The following PAOX variants were observed in gnomAD, a reference collection of about 807,000 sequenced individuals.
PAOX encodes peroxisomal N(1)-acetyl-spermine/spermidine oxidase.
PAOX carries 38 observed loss-of-function variants against 39.0 expected under a neutral mutation model. The observed-to-expected ratio is 0.97, with a 90% CI of 0.75 to 1.28. The LOEUF is 1.28. Ranked by LOEUF, PAOX falls within the 50% of genes most tolerant of loss-of-function variation. PAOX has a pLI of 0.00. For synonymous variants in PAOX, 311 were observed against 314.4 expected (o/e 0.99, Z 0.11); for missense variants, 667 against 685.7 (o/e 0.97, Z 0.30).
chr10:133,386,338 T>A (rs750204289), intron 4 of PAOX, among the ~76,000 whole-genome samples: 3 of 152,072 alleles, frequency 2.0e-5, no homozygotes, highest in Non-Finnish European at 4.4e-5. Context: ...TCTGCAAAAC[T>A]CTTCAGTGTT....
rs1437893569 is a variant in PAOX at position 133,380,173 on chromosome 10, G to A, written c.356G>A (p.Gly119Glu). ...GLPSVSYASS[G>E]ASVSLQLVAE... The stretch of plus-strand genomic sequence containing the variant: ...CCCTCCGTGAGCTACGCCAGCTCCG[G>A]GGCCAGCGTGAGCCTCCAGCTGGTG... The change falls in exon 2 of 7, where the codon GGG (glycine) becomes GAG (glutamate). Residue 119 changes from glycine to glutamate, a missense_variant. Physicochemically the swap from Gly to Glu is moderately conservative, Grantham distance 98 (BLOSUM62 -2). Transcript: ENST00000278060. 2 of 1,611,104 alleles carry A rather than the reference G, an allele frequency of 1.2e-6. No homozygotes were observed. Among genetic ancestry groups the A allele is most frequent in the East Asian group, 4.5e-5 (2 of 44,852 alleles).
intron 3 of PAOX, 62 bp from the exon 4 acceptor site, chr10:133,383,898 A>T: frequency 6.4e-7 from 1 of 1,551,434 alleles, no homozygotes; most frequent in Non-Finnish European, 8.7e-7. Flanking sequence ...CAAGGTCTGG[A>T]CAGACAGGAC....
chr10:133,391,118 G>A (rs1361261807), intron 6 of PAOX, 194 bp from the exon 7 acceptor site: 11 of 708,186 alleles, frequency 1.6e-5, no homozygotes, highest in East Asian at 8.0e-5. Flanking sequence ...TTTCCTGCCC[G>A]TTGGTGGATG....
intron 4 of PAOX, among the ~76,000 whole-genome samples, chr10:133,386,251 C>T (rs1589897174): frequency 6.6e-6 from 1 of 152,050 alleles, no homozygotes; most frequent in African/African-American, 2.4e-5. Context: ...TCTCGAACTC[C>T]TGGCCTCAAG....
rs777641782 is a variant in PAOX, at chr10:133,391,508, A to C, written c.*53A>C. 3 of 1,539,090 alleles carry C rather than the reference A, an allele frequency of 1.9e-6. No homozygotes were observed. The East Asian group carries it at 6.8e-5, about 35-fold the overall frequency. On this transcript the variant is annotated 3_prime_UTR_variant, in exon 7 of 7. Coordinates refer to ENST00000278060, the MANE Select transcript of PAOX (RefSeq NM_152911.4). ...GTGTCGGGGGTAGGCTGGGACCCTC[A>C]TTTCTTCTGACAGATTTCAGTCTGG...
At chr10:133,383,865 C>G in intron 3 of PAOX, 95 bp from the exon 4 acceptor site, 1 of 1,451,452 alleles carries the variant, frequency 6.9e-7, no homozygotes, top group Non-Finnish European at 9.3e-7. Context: ...AGGATAAACA[C>G]CAGCAGGGGA....
chr10:133,381,368 T>G, intron 2 of PAOX, 92 bp from the exon 3 acceptor site: 1 of 1,237,036 alleles, frequency 8.1e-7, no homozygotes, highest in Non-Finnish European at 1.2e-6. Flanking sequence ...CAGCTACCTT[T>G]GATGCGGGTG....
In PAOX at chr10:133,379,397, C is replaced by T. The variant is rs1849284224; in HGVS notation, c.81C>T (p.Gly27=). The part of the protein sequence containing the change: ...LVVGGGIAGL[G]AAQRLCGHSA... Reference sequence around the variant, plus strand: ...TGGGCGGCGGCATCGCGGGGCTGGGCGCGGCGCAGAGGCTCTGCGGCCACT... The same window carrying T: ...TGGGCGGCGGCATCGCGGGGCTGGGTGCGGCGCAGAGGCTCTGCGGCCACT... Residue 27 remains glycine (G), a synonymous_variant, in exon 1 of 7, where the codon GGC becomes GGT. Coordinates refer to ENST00000278060, the MANE Select transcript of PAOX (RefSeq NM_152911.4). The T allele has an allele frequency of 3.3e-6, 4 of 1,222,238 alleles. No homozygotes were observed. In the East Asian group the frequency reaches 9.7e-5, roughly 30 times the overall value. The allele number at this position is 1,222,238 out of a possible 1,614,324, so 75.7% of individuals were successfully genotyped here.
Position 133,379,279 on chromosome 10 carries a change from CG to C in PAOX, c.-36del, listed in dbSNP as rs1262224069. 22 of 1,207,478 alleles carry C rather than the reference CG, an allele frequency of 1.8e-5. No homozygotes were observed. The highest frequency in any genetic ancestry group is 2.2e-5 in the Non-Finnish European group (21 of 973,104). The allele number at this position is 1,207,478 out of a possible 1,614,324, so 74.8% of individuals were successfully genotyped here. A position where few individuals can be genotyped will look rare whatever the true frequency, so the allele number is the denominator to read the frequency against. ...CCTCCTCCGAGAGCTCCAGACCTCCCGGCTACTCAGAAGCCCTCGGACTGCC... is the reference window on the plus strand; with the variant it reads ...CCTCCTCCGAGAGCTCCAGACCTCCCGCTACTCAGAAGCCCTCGGACTGCC... On this transcript the variant is annotated 5_prime_UTR_variant, in exon 1 of 7. Coordinates refer to ENST00000278060, the MANE Select transcript of PAOX (RefSeq NM_152911.4).
In PAOX at chr10:133,389,011, A is replaced by G; in HGVS notation, c.1177A>G (p.Thr393Ala). ...IAGLESEFME[T>A]LSDEEVLLCL... ...CGGACTTGAGTCTGAGTTCATGGAG[A>G]CTCTGTCGGATGAAGAAGTACTTCT... Residue 393 changes from threonine (T) to alanine (A), a missense_variant, in exon 5 of 7, where the codon ACT (threonine) becomes GCT (alanine). Coordinates refer to ENST00000278060, the MANE Select transcript of PAOX (RefSeq NM_152911.4). 1 of 1,612,612 alleles carries G rather than the reference A, an allele frequency of 6.2e-7. No individual in the cohort carries two copies. The highest frequency in any genetic ancestry group is 8.5e-7 in the Non-Finnish European group (1 of 1,179,630).
At chr10:133,385,069 G>A (rs1202465929) in intron 4 of PAOX, among the ~76,000 whole-genome samples, 1 of 152,182 alleles carries the variant, frequency 6.6e-6, no homozygotes, top group African/African-American at 2.4e-5. Context: ...GCTGAGGCGG[G>A]TGGATCACCT....
chr10:133,380,442 G>T lies in PAOX; in HGVS notation c.625G>T (p.Gly209Trp), dbSNP rs1299139261. ...SMDLVALAPFGEYTVLPGLDC... is the reference protein window; with the variant it reads ...SMDLVALAPFWEYTVLPGLDC... ...GGACCTGGTGGCCCTGGCACCCTTT[G>T]GGGAGTATACCGTGCTGCCGGGGCT... The change falls in exon 2 of 7, where the codon GGG becomes TGG. Residue 209 changes from glycine (G) to tryptophan (W), a missense_variant. By Grantham distance (184) the Gly-to-Trp change is radical. Transcript: ENST00000278060. 37 of 1,611,906 alleles carry T rather than the reference G, an allele frequency of 2.3e-5. No homozygotes were observed. Among genetic ancestry groups the T allele is most frequent in the Non-Finnish European group, 3.1e-5 (37 of 1,180,002 alleles).
At chr10:133,385,450 G>T (rs1175709258) in intron 4 of PAOX, among the ~76,000 whole-genome samples, 1 of 93,588 alleles carries the variant, frequency 1.1e-5, no homozygotes, top group Non-Finnish European at 2.4e-5. Context: ...GGGACCCTGA[G>T]TGCTTTGGTG....
chr10:133,386,268 G>A (rs993823128), intron 4 of PAOX, among the ~76,000 whole-genome samples: 7 of 151,906 alleles, frequency 4.6e-5, no homozygotes, highest in African/African-American at 9.7e-5. Flanking sequence ...CAAGTGATCC[G>A]CCCACCTTGG....
Position 133,380,164 on chromosome 10 carries a change from C to T in PAOX, c.347C>T (p.Ala116Val), listed in dbSNP as rs200955305. 1.2e-6 allele frequency: 2 copies of T among 1,608,958 alleles called. No homozygotes were observed. Among genetic ancestry groups the T allele is most frequent in the Non-Finnish European group, 1.7e-6 (2 of 1,177,446 alleles). Residue 116 changes from alanine (A) to valine (V), a missense_variant, in exon 2 of 7, where the codon GCC becomes GTC. By Grantham distance (64) the Ala-to-Val change is moderately conservative (BLOSUM62 0). Coordinates refer to ENST00000278060, the MANE Select transcript of PAOX (RefSeq NM_152911.4). The stretch of plus-strand genomic sequence containing the variant: ...GTGGGCCTGCCCTCCGTGAGCTACG[C>T]CAGCTCCGGGGCCAGCGTGAGCCTC... The part of the protein sequence containing the change: ...GHVGLPSVSY[A>V]SSGASVSLQL...
Position 133,384,222 on chromosome 10 carries a change from C to A in PAOX, c.1121+10C>A, listed in dbSNP as rs1377667535. On this transcript the variant is annotated intron_variant, in intron 4 of 6. Transcript: ENST00000278060. This position sits in a 1 kb window ranked among gnomAD's most constrained non-coding sequence, Gnocchi z 4.3. Reference sequence around the variant, plus strand: ...TCCTGCCTGCCTTTGCGTACGTTTGCTCCCTGAGAAGTTCTGCGAGTGGCT... The same window carrying A: ...TCCTGCCTGCCTTTGCGTACGTTTGATCCCTGAGAAGTTCTGCGAGTGGCT... 3.7e-6 allele frequency: 6 copies of A among 1,610,954 alleles called. No individual in the cohort carries two copies. The highest frequency in any genetic ancestry group is 5.1e-6 in the Non-Finnish European group (6 of 1,178,308).
At position 133,391,633 on chromosome 10, in the gene PAOX, CTT is replaced by C. The variant is rs1465041660; in HGVS notation, c.*179_*180del. 9.9e-6 allele frequency: 10 copies of C among 1,007,762 alleles called. No individual in the cohort carries two copies. In the Admixed American group the frequency reaches 3.1e-4, roughly 31 times the overall value. 62.4% of individuals were successfully genotyped at this position (1,007,762 alleles called of 1,614,324 possible). A position where few individuals can be genotyped will look rare whatever the true frequency, so the allele number is the denominator to read the frequency against. ...GTTATTGGAGTCTGGCCAGGGTTGACTTGAGCTGAGACACCAGATGCTCACGG... is the reference window on the plus strand; with the variant it reads ...GTTATTGGAGTCTGGCCAGGGTTGACGAGCTGAGACACCAGATGCTCACGG... On this transcript the variant is annotated 3_prime_UTR_variant, in exon 7 of 7. Transcript: ENST00000278060.
chr10:133,389,794 C>T (rs1345037275), intron 6 of PAOX, 47 bp downstream of exon 6: 2 of 1,413,834 alleles, frequency 1.4e-6, no homozygotes, highest in African/African-American at 1.5e-5. Flanking sequence ...GCTGCAGAGG[C>T]CCCCGCCGAG....
Position 133,384,183 on chromosome 10 carries a change from C to T in PAOX, c.1092C>T (p.Leu364=), listed in dbSNP as rs1167719794. ...PELQDAWFRK[L]IGFVVLPAFA... ...TACAGGACGCCTGGTTCCGGAAGCT[C>T]ATTGGCTTTGTGGTCCTGCCTGCCT... Residue 364 remains leucine, a synonymous_variant, in exon 4 of 7, where the codon CTC becomes CTT. Coordinates refer to ENST00000278060, the MANE Select transcript of PAOX (RefSeq NM_152911.4). The surrounding 1 kb of genome is among the most constrained non-coding windows in gnomAD (Gnocchi z 4.3). 2 of 1,613,904 alleles carry T rather than the reference C, an allele frequency of 1.2e-6. No homozygotes were observed. Among genetic ancestry groups the T allele is most frequent in the African/African-American group, 2.7e-5 (2 of 74,936 alleles).
Sources: allele counts gnomAD v4.1 joint callset (sites outside exome capture counted in the v4.1 genomes callset), GRCh38; gene constraint gnomAD v4.1.1; non-coding constraint Gnocchi (gnomAD v3.1); transcripts MANE v1.5; gene names NCBI Gene and HGNC (gene_info 2026-07-23, HGNC 2026-07-21).